The following SLC30A4 variants were observed in gnomAD, a reference collection of about 807,000 sequenced individuals.
SLC30A4 encodes solute carrier family 30 member 4, also known as probable proton-coupled zinc antiporter SLC30A4.
SLC30A4 carries 20 observed loss-of-function variants against 41.7 expected under a neutral mutation model. The observed-to-expected ratio is 0.48, with a 90% confidence interval of 0.34 to 0.70. SLC30A4 has a LOEUF of 0.70. Among genes scored for constraint, SLC30A4 ranks in the 30% least tolerant of loss-of-function variants. The probability of loss-of-function intolerance (pLI) is 0.01; values close to 1 mark genes in which losing one functional copy is unlikely to be tolerated. For synonymous variants in SLC30A4, 181 were observed against 195.9 expected, an observed-to-expected ratio of 0.92 and a Z score of 0.64; for missense variants, 441 against 529.3, an observed-to-expected ratio of 0.83 and a Z score of 1.64.
chr15:45,502,029 A>G (rs576450908), intron 3 of SLC30A4: 15 of 152,316 alleles, frequency 9.8e-5, no homozygotes, highest in Admixed American at 7.8e-4. Context: ...AAACTCATAA[A>G]TAAATCAAAC....
intron 2 of SLC30A4, among the ~76,000 whole-genome samples, chr15:45,520,725 A>G (rs1043776131): frequency 2.6e-5 from 4 of 152,258 alleles, no homozygotes; most frequent in African/African-American, 7.2e-5. Flanking sequence ...TGGGACCACA[A>G]TTGAAGAAAC....
At position 45,487,581 on chromosome 15, in the gene SLC30A4, C is replaced by A; in HGVS notation, c.946G>T (p.Val316Leu). 6.3e-7 allele frequency: 1 copy of A among 1,582,586 alleles called. No individual in the cohort carries two copies. Among genetic ancestry groups the A allele is most frequent in the Non-Finnish European group, 8.7e-7 (1 of 1,152,154 alleles). ...PICTYVFSLL[V>L]AFTTFRIIWD... ...ATGATTCGAAATGTTGTAAAAGCCA[C>A]AAGTAATGAAAATACGTATGTACAG... is the stretch of plus-strand genomic sequence containing the variant. The change falls in exon 6 of 8, where the codon GTG becomes TTG. Residue 316 changes from valine (V) to leucine (L), a missense_variant. Val to Leu is a conservative substitution (Grantham distance 32). Coordinates refer to ENST00000261867, the MANE Select transcript of SLC30A4 (RefSeq NM_013309.6).
In SLC30A4 at chr15:45,495,801, C is replaced by T. The variant is rs140911796; in HGVS notation, c.539-4920G>A. On this transcript the variant is annotated intron_variant, in intron 3 of 7. Coordinates refer to ENST00000261867, the MANE Select transcript of SLC30A4 (RefSeq NM_013309.6). ...GAAGGATAAGAGATTCTAATACCTGCCTACGTTAACAGTAATGGAATTCAG... is the reference window on the plus strand; with the variant it reads ...GAAGGATAAGAGATTCTAATACCTGTCTACGTTAACAGTAATGGAATTCAG... Among the ~76,000 whole-genome samples, 3 of 152,272 alleles carry T rather than the reference C, an allele frequency of 2.0e-5. No individual in the cohort carries two copies. The East Asian group carries it at 5.8e-4, about 29-fold the overall frequency.
chr15:45,496,853 A>ATAAATAAT (rs1163461082), intron 3 of SLC30A4, among the ~76,000 whole-genome samples: 1 of 148,598 alleles, frequency 6.7e-6, no homozygotes, highest in Non-Finnish European at 1.5e-5. Flanking sequence ...AAATAAATAA[A>ATAAATAAT]TAAATAAATA....
At position 45,482,498 on chromosome 15, in the gene SLC30A4, T is replaced by G. The variant is rs1194747469; in HGVS notation, c.*2665A>C. 1 of 152,100 alleles carries G rather than the reference T, an allele frequency of 6.6e-6. No individual in the cohort carries two copies. The highest frequency in any genetic ancestry group is 2.1e-4 in the South Asian group (1 of 4,832). 9.4% of individuals were successfully genotyped at this position (152,100 alleles called of 1,614,324 possible). On this transcript the variant is annotated 3_prime_UTR_variant, in exon 8 of 8. Transcript: ENST00000261867. ...ATACATTTTTTAAGGAACAGGTCGA[T>G]ACAAAAGCGAGATATGCCTTTATAA...
At chr15:45,497,021 T>C (rs1213184412) in intron 3 of SLC30A4, 1 of 151,506 alleles carries the variant, frequency 6.6e-6, no homozygotes, top group African/African-American at 2.4e-5. Flanking sequence ...AGCAAGTCCC[T>C]GTCTCAGAAA....
intron 3 of SLC30A4, among the ~76,000 whole-genome samples, chr15:45,496,860 A>G (rs1891917164): frequency 6.7e-6 from 1 of 149,228 alleles, no homozygotes; most frequent in African/African-American, 2.5e-5. Context: ...TAAATAAATA[A>G]ATAAATAAAT....
chr15:45,512,099 AG>A (rs1892312052), intron 2 of SLC30A4, among the ~76,000 whole-genome samples: 1 of 152,216 alleles, frequency 6.6e-6, no homozygotes, highest in African/African-American at 2.4e-5. Context: ...GGGGTACAAA[AG>A]GTAGTATTTA....
rs1456675982 is a variant in SLC30A4, at chr15:45,480,674, TA to T, written c.*4488del. On this transcript the variant is annotated 3_prime_UTR_variant, in exon 8 of 8. Transcript: ENST00000261867. The stretch of plus-strand genomic sequence containing the variant: ...CCAACAGCAAAATTGCCTAAAACCT[TA>T]TTTCAAATGGGCTCATATTCTGTAA... 2.0e-5 allele frequency: 3 copies of T among 152,230 alleles called. No individual in the cohort carries two copies. Among genetic ancestry groups the T allele is most frequent in the African/African-American group, 7.2e-5 (3 of 41,446 alleles). The allele number at this position is 152,230 out of a possible 1,614,324, so 9.4% of individuals were successfully genotyped here. A position where few individuals can be genotyped will look rare whatever the true frequency, so the allele number is the denominator to read the frequency against.
At chr15:45,485,951 T>C (rs1891694918) in intron 7 of SLC30A4, among the ~76,000 whole-genome samples, 2 of 151,970 alleles carry the variant, frequency 1.3e-5, no homozygotes. Flanking sequence ...ACTCCTGACC[T>C]CAGGTGATCC....
chr15:45,506,076 G>A (rs1306095311), intron 3 of SLC30A4, among the ~76,000 whole-genome samples: 1 of 151,976 alleles, frequency 6.6e-6, no homozygotes, highest in African/African-American at 2.4e-5. Flanking sequence ...GCATGGTGGT[G>A]CATGCCTGTG....
At chr15:45,507,445 A>G (rs1232364083) in intron 3 of SLC30A4, among the ~76,000 whole-genome samples, 2 of 151,200 alleles carry the variant, frequency 1.3e-5, no homozygotes, top group East Asian at 3.9e-4. Context: ...TATTCTGAGC[A>G]TATTAATAAG....
intron 2 of SLC30A4, among the ~76,000 whole-genome samples, chr15:45,515,266 G>C (rs1595531975): frequency 6.6e-6 from 1 of 151,432 alleles, no homozygotes; most frequent in East Asian, 2.0e-4. Flanking sequence ...GGGCTCATGT[G>C]ATCTTCCCAC....
intron 7 of SLC30A4, 118 bp from the exon 8 acceptor site, chr15:45,485,435 CCTCT>C (rs1891679647): frequency 1.5e-6 from 1 of 666,750 alleles, no homozygotes; most frequent in South Asian, 2.2e-5. Flanking sequence ...TGATTTCTAC[CCTCT>C]CTAAGCTATT....
chr15:45,495,594 G>A (rs968513612), intron 3 of SLC30A4, among the ~76,000 whole-genome samples: 5 of 152,090 alleles, frequency 3.3e-5, no homozygotes, highest in South Asian at 4.1e-4. Flanking sequence ...CTTAAAAATC[G>A]CCTTTTTGTG....
chr15:45,499,429 C>T (rs768520967), intron 3 of SLC30A4, among the ~76,000 whole-genome samples: 1 of 152,040 alleles, frequency 6.6e-6, no homozygotes, highest in Non-Finnish European at 1.5e-5. Flanking sequence ...CAAATACAAA[C>T]AACTCTGCTT....
chr15:45,488,779 G>T, intron 5 of SLC30A4, 62 bp downstream of exon 5: 2 of 1,319,234 alleles, frequency 1.5e-6, no homozygotes, highest in Non-Finnish European at 2.2e-6. Flanking sequence ...ATGACAATCA[G>T]CCTTAGTTTT....
chr15:45,485,193 A>C lies in SLC30A4; in HGVS notation c.1260T>G (p.Thr420=). 1 of 1,612,670 alleles carries C rather than the reference A, an allele frequency of 6.2e-7. No homozygotes were observed. The highest frequency in any genetic ancestry group is 8.5e-7 in the Non-Finnish European group (1 of 1,179,542). ...GACTAGAACTCTGACAATTTGCACA[A>C]GTTCTGTCCACTTCTTGCCTGTAAC... is the stretch of plus-strand genomic sequence containing the variant. ...LQSYRQEVDR[T]CANCQSSSP The change falls in exon 8 of 8, where the codon ACT becomes ACG. Residue 420 remains threonine, a synonymous_variant. Coordinates refer to ENST00000261867, the MANE Select transcript of SLC30A4 (RefSeq NM_013309.6).
At chr15:45,490,321 G>A (rs1005926156) in intron 4 of SLC30A4, among the ~76,000 whole-genome samples, 8 of 152,072 alleles carry the variant, frequency 5.3e-5, no homozygotes, top group Admixed American at 2.6e-4. Flanking sequence ...ACTCTAGAGC[G>A]CAAGTGATCT....
Sources: allele counts gnomAD v4.1 joint callset (sites outside exome capture counted in the v4.1 genomes callset), GRCh38; gene constraint gnomAD v4.1.1; transcripts MANE v1.5; gene names NCBI Gene and HGNC (gene_info 2026-07-23, HGNC 2026-07-21).